The following OSBPL8 variants were observed in gnomAD, a reference collection of about 807,000 sequenced individuals.
OSBPL8 encodes oxysterol binding protein like 8.
In OSBPL8, 59 loss-of-function variants were observed where a neutral mutation model predicts 125.5. That is an observed-to-expected ratio of 0.47 (90% CI 0.38 to 0.58). The LOEUF (loss-of-function observed/expected upper bound fraction) is 0.58. Among genes scored for constraint, OSBPL8 ranks in the 20% least tolerant of loss-of-function variants. OSBPL8 has a pLI of 0.00. For missense variants in OSBPL8, 758 were observed against 1,047.8 expected, an observed-to-expected ratio of 0.72 and a Z score of 3.82; for synonymous variants, 330 against 338.9, an observed-to-expected ratio of 0.97 and a Z score of 0.29.
intron 1 of OSBPL8, among the ~76,000 whole-genome samples, chr12:76,551,763 A>G (rs535123623): frequency 2.0e-5 from 3 of 152,278 alleles, no homozygotes; most frequent in South Asian, 4.1e-4. Flanking sequence ...CACCCACCTC[A>G]GCTCCTGCTG....
At chr12:76,504,512 A>C (rs1044554069) in intron 1 of OSBPL8, among the ~76,000 whole-genome samples, 12 of 152,142 alleles carry the variant, frequency 7.9e-5, no homozygotes, top group African/African-American at 2.9e-4. Context: ...CATAAACCAG[A>C]CCACTCTTCT....
At chr12:76,527,666 C>T (rs1338830261) in intron 1 of OSBPL8, among the ~76,000 whole-genome samples, 3 of 152,116 alleles carry the variant, frequency 2.0e-5, no homozygotes, top group African/African-American at 4.8e-5. Flanking sequence ...CCTACCTTTT[C>T]TAGTTATCGA....
intron 5 of OSBPL8, 91 bp downstream of exon 5, chr12:76,410,473 A>C: frequency 1.1e-6 from 1 of 936,508 alleles, no homozygotes; most frequent in Non-Finnish European, 1.7e-6. Flanking sequence ...TAAAAACATC[A>C]CAAAAAAGCT....
chr12:76,490,406 C>A (rs1878588913), intron 1 of OSBPL8, among the ~76,000 whole-genome samples: 3 of 152,212 alleles, frequency 2.0e-5, no homozygotes, highest in Non-Finnish European at 4.4e-5. Flanking sequence ...AGACCCCAGA[C>A]TCAGCCCGAA....
chr12:76,482,372 G>A (rs372931811), intron 2 of OSBPL8, among the ~76,000 whole-genome samples: 2 of 152,208 alleles, frequency 1.3e-5, no homozygotes, highest in East Asian at 3.9e-4. Context: ...TCAACACTTT[G>A]GGAGGCTAAG....
chr12:76,481,984 T>C (rs1045360652), intron 2 of OSBPL8, among the ~76,000 whole-genome samples: 7 of 152,220 alleles, frequency 4.6e-5, no homozygotes, highest in African/African-American at 1.7e-4. Context: ...ACCTAGTATG[T>C]AAAAATCAGT....
Position 76,355,772 on chromosome 12 carries a change from C to T in OSBPL8, c.*117G>A. The T allele has an allele frequency of 8.9e-7, 1 of 1,123,684 alleles. No individual in the cohort carries two copies. Among genetic ancestry groups the T allele is most frequent in the Non-Finnish European group, 1.2e-6 (1 of 803,152 alleles). The allele number at this position is 1,123,684 out of a possible 1,614,324, so 69.6% of individuals were successfully genotyped here. A position where few individuals can be genotyped will look rare whatever the true frequency, so the allele number is the denominator to read the frequency against. On this transcript the variant is annotated 3_prime_UTR_variant, in exon 24 of 24. Coordinates refer to ENST00000261183, the MANE Select transcript of OSBPL8 (RefSeq NM_020841.5). ...AAAGTCAATACCTCTACATTTATCTCCTAGGTTTTTTTGTTTTCGGAATAT... is the reference window on the plus strand; with the variant it reads ...AAAGTCAATACCTCTACATTTATCTTCTAGGTTTTTTTGTTTTCGGAATAT...
Position 76,392,757 on chromosome 12 carries a change from A to G in OSBPL8, c.758-5T>C. ...AAGCATCCATCCAGCACCTTCCTAA[A>G]AGAACACAGATTCATAAGCACTATA... On this transcript the variant is annotated splice_polypyrimidine_tract_variant and splice_region_variant and intron_variant, in intron 9 of 23. Coordinates refer to ENST00000261183, the MANE Select transcript of OSBPL8 (RefSeq NM_020841.5). 4 of 1,597,528 alleles carry G rather than the reference A, an allele frequency of 2.5e-6. No homozygotes were observed. Among genetic ancestry groups the G allele is most frequent in the Non-Finnish European group, 3.4e-6 (4 of 1,168,432 alleles).
At chr12:76,394,508 CA>C in intron 9 of OSBPL8, 136 bp downstream of exon 9, 1 of 646,906 alleles carries the variant, frequency 1.5e-6, no homozygotes, top group Non-Finnish European at 2.6e-6. Context: ...ATTTAGCATT[CA>C]AAACAATTTA....
intron 21 of OSBPL8, 66 bp downstream of exon 21, chr12:76,369,148 G>T: frequency 1.3e-6 from 2 of 1,495,582 alleles, no homozygotes; most frequent in Non-Finnish European, 1.8e-6. Context: ...ATTTTAGTTG[G>T]TTGCTATAGA....
In OSBPL8 at chr12:76,353,562, T is replaced by C. The variant is rs890152827; in HGVS notation, c.*2327A>G. 4.6e-5 allele frequency: 7 copies of C among 152,298 alleles called. No homozygotes were observed. Among genetic ancestry groups the C allele is most frequent in the African/African-American group, 1.7e-4 (7 of 41,430 alleles). 9.4% of individuals were successfully genotyped at this position (152,298 alleles called of 1,614,324 possible). ...TGAAGGAAGATTAATTTCAGGTAAA[T>C]AACATTCAAAGTCAATTACATATAT... On this transcript the variant is annotated 3_prime_UTR_variant, in exon 24 of 24. Coordinates refer to ENST00000261183, the MANE Select transcript of OSBPL8 (RefSeq NM_020841.5).
At chr12:76,486,235 A>G in intron 2 of OSBPL8, 1 of 282,412 alleles carries the variant, frequency 3.5e-6, no homozygotes, top group Non-Finnish European at 7.1e-6. Context: ...GCATTTTGCT[A>G]TCAATCATTA....
chr12:76,400,543 GTTC>G (rs919260470), intron 6 of OSBPL8, among the ~76,000 whole-genome samples: 28 of 152,202 alleles, frequency 1.8e-4, no homozygotes, highest in African/African-American at 6.5e-4. Flanking sequence ...TCGAATGGTA[GTTC>G]TGTCTTTAGG....
intron 5 of OSBPL8, among the ~76,000 whole-genome samples, chr12:76,407,730 A>C (rs2136396694): frequency 6.6e-6 from 1 of 152,270 alleles, no homozygotes; most frequent in Non-Finnish European, 1.5e-5. Flanking sequence ...ATTCACTCTA[A>C]TGCTTTATTC....
chr12:76,549,539 T>C (rs1336487226), intron 1 of OSBPL8, among the ~76,000 whole-genome samples: 5 of 152,164 alleles, frequency 3.3e-5, no homozygotes, highest in South Asian at 2.1e-4. Flanking sequence ...GACTCCTAAG[T>C]AGCTGGGATT....
At chr12:76,494,966 G>A (rs1337079781) in intron 1 of OSBPL8, among the ~76,000 whole-genome samples, 1 of 152,076 alleles carries the variant, frequency 6.6e-6, no homozygotes, top group South Asian at 2.1e-4. Context: ...ATGGATTTCA[G>A]AACTTCTTAG....
intron 2 of OSBPL8, among the ~76,000 whole-genome samples, chr12:76,466,764 G>A (rs918369396): frequency 2.6e-5 from 4 of 152,108 alleles, no homozygotes; most frequent in Admixed American, 2.6e-4. Context: ...TTCGAGAACA[G>A]CCTGGCCAAC....
chr12:76,387,397 T>C (rs1359860695), intron 12 of OSBPL8, among the ~76,000 whole-genome samples: 4 of 152,184 alleles, frequency 2.6e-5, no homozygotes, highest in East Asian at 1.9e-4. Context: ...TTGTGTGCTA[T>C]CAACTGATTT....
intron 2 of OSBPL8, among the ~76,000 whole-genome samples, chr12:76,469,062 C>CCA (rs1875803621): frequency 1.3e-5 from 2 of 152,164 alleles, no homozygotes. Flanking sequence ...CCACTGCTGA[C>CCA]CACTCCTTTT....
Sources: gnomAD v4.1 joint callset for allele counts (sites outside exome capture counted in the v4.1 genomes callset) on GRCh38, gnomAD v4.1.1 for gene constraint, MANE v1.5 for transcripts, NCBI Gene and HGNC (gene_info 2026-07-23, HGNC 2026-07-21) for gene names.